The following BTG4 variants were observed in gnomAD, a reference collection of about 807,000 sequenced individuals.
The protein encoded by BTG4 is protein BTG4.
In BTG4, 10 loss-of-function variants were observed where a neutral mutation model predicts 19.3. The ratio of observed to expected loss-of-function variants is 0.52; its 90% confidence interval spans 0.32 to 0.88. The LOEUF is 0.88. BTG4 is among the 40% of genes least tolerant of loss of function. The probability of loss-of-function intolerance (pLI) is 0.04; values close to 1 mark genes in which losing one functional copy is unlikely to be tolerated. For missense variants in BTG4, 238 were observed against 281.9 expected, an observed-to-expected ratio of 0.84 and a Z score of 1.11; for synonymous variants, 91 against 95.7, an observed-to-expected ratio of 0.95 and a Z score of 0.29.
chr11:111,477,049 C>A (rs1864436277), intron 5 of BTG4, among the ~76,000 whole-genome samples: 1 of 152,154 alleles, frequency 6.6e-6, no homozygotes, highest in Non-Finnish European at 1.5e-5. Context: ...TAGTACAGAA[C>A]TTAAAGACCT....
chr11:111,490,295 A>AT (rs1865337192), downstream of BTG4, among the ~76,000 whole-genome samples: 1 of 151,480 alleles, frequency 6.6e-6, no homozygotes, highest in Non-Finnish European at 1.5e-5. Flanking sequence ...AAATAAATAA[A>AT]AAACTGAAAG....
the BTG4 span, among the ~76,000 whole-genome samples, chr11:111,394,917 G>C: frequency 6.6e-6 from 1 of 152,186 alleles, no homozygotes; most frequent in Non-Finnish European, 1.5e-5. Context: ...CACATATATA[G>C]ATGGAGAATC....
the BTG4 span, among the ~76,000 whole-genome samples, chr11:111,389,957 C>T: frequency 6.6e-5 from 10 of 152,102 alleles, no homozygotes; most frequent in Admixed American, 4.6e-4. Context: ...GATCATATAG[C>T]GAGGAACTGT....
the BTG4 span, among the ~76,000 whole-genome samples, chr11:111,422,006 G>T: frequency 1.3e-5 from 2 of 152,096 alleles, no homozygotes; most frequent in Non-Finnish European, 2.9e-5. Flanking sequence ...CCCAGAAGTT[G>T]CTGGAGAGCA....
chr11:111,413,994 G>A, the BTG4 span, among the ~76,000 whole-genome samples: 1 of 152,208 alleles, frequency 6.6e-6, no homozygotes, highest in Non-Finnish European at 1.5e-5. Context: ...AGCTGCAGTG[G>A]TGTGTTACCC....
At chr11:111,499,704 A>T (rs932687367) in intron 1 of BTG4, among the ~76,000 whole-genome samples, 3 of 152,216 alleles carry the variant, frequency 2.0e-5, no homozygotes, top group African/African-American at 7.2e-5. Context: ...AACTTTGAGC[A>T]GTCATTATGT....
chr11:111,409,182 A>G, the BTG4 span, among the ~76,000 whole-genome samples: 2 of 152,152 alleles, frequency 1.3e-5, no homozygotes, highest in African/African-American at 4.8e-5. Context: ...TAGAGGAGAA[A>G]AATTTAAAAG....
chr11:111,467,869 T>C (rs1338988661), intron 5 of BTG4, among the ~76,000 whole-genome samples: 2 of 152,240 alleles, frequency 1.3e-5, no homozygotes, highest in Non-Finnish European at 2.9e-5. Context: ...AGAAGCATAA[T>C]AGCTTGGTGC....
At chr11:111,413,611 C>A in the BTG4 span, among the ~76,000 whole-genome samples, 1 of 152,242 alleles carries the variant, frequency 6.6e-6, no homozygotes, top group African/African-American at 2.4e-5. Flanking sequence ...CTTGCCCAAA[C>A]CAATTACCTT....
At chr11:111,434,243 C>G in the BTG4 span, among the ~76,000 whole-genome samples, 1 of 152,176 alleles carries the variant, frequency 6.6e-6, no homozygotes, top group Non-Finnish European at 1.5e-5. Flanking sequence ...GAACTCATGC[C>G]CTTTGCAGGG....
intron 5 of BTG4, among the ~76,000 whole-genome samples, chr11:111,482,031 A>C (rs1036441223): frequency 5.3e-5 from 8 of 152,018 alleles, no homozygotes; most frequent in Admixed American, 1.3e-4. Context: ...AAATAAAACT[A>C]TCCCTATGCA....
chr11:111,421,785 G>C, the BTG4 span, among the ~76,000 whole-genome samples: 13 of 152,080 alleles, frequency 8.5e-5, no homozygotes, highest in African/African-American at 2.7e-4. Flanking sequence ...TGGTGACAGG[G>C]GCCTGCAATC....
At chr11:111,474,656 A>G (rs1475543553) in intron 5 of BTG4, among the ~76,000 whole-genome samples, 1 of 152,152 alleles carries the variant, frequency 6.6e-6, no homozygotes, top group African/African-American at 2.4e-5. Context: ...ATACATAACT[A>G]TATTTAGCCA....
intron 5 of BTG4, among the ~76,000 whole-genome samples, chr11:111,487,780 C>A (rs1233486746): frequency 6.6e-6 from 1 of 152,018 alleles, no homozygotes; most frequent in Non-Finnish European, 1.5e-5. Context: ...ATATAAAAAT[C>A]AACATACAAA....
At chr11:111,455,941 T>C in the BTG4 span, 195 of 395,076 alleles carry the variant, frequency 4.9e-4, no homozygotes, top group Non-Finnish European at 8.9e-4. Flanking sequence ...TCAGGGCAAC[T>C]AGCCCTGTAG....
At chr11:111,458,863 T>C in the BTG4 span, among the ~76,000 whole-genome samples, 1 of 152,154 alleles carries the variant, frequency 6.6e-6, no homozygotes, top group Non-Finnish European at 1.5e-5. Flanking sequence ...TGCCCCACAA[T>C]TTATTAACTC....
chr11:111,407,237 TA>T, the BTG4 span, among the ~76,000 whole-genome samples: 1 of 148,914 alleles, frequency 6.7e-6, no homozygotes, highest in Non-Finnish European at 1.5e-5. Context: ...ATATACCATG[TA>T]TGTGTCATAT....
In BTG4 at chr11:111,503,358, G is replaced by A. The variant is rs145516399; in HGVS notation, c.-26-4556C>T. Among the ~76,000 whole-genome samples, 131 of 152,328 alleles carry A rather than the reference G, an allele frequency of 8.6e-4. 2 individuals are homozygous for A. The highest frequency in any genetic ancestry group is 3.4e-3 in the Middle Eastern group (1 of 294). On this transcript the variant is annotated intron_variant, in intron 1 of 4. Transcript: ENST00000692032. Reference sequence around the variant, plus strand: ...AGTAATGTCCACTGACAAGATGTCAGAATTTAGCAGAAAGACCAACCTGGT... The same window carrying A: ...AGTAATGTCCACTGACAAGATGTCAAAATTTAGCAGAAAGACCAACCTGGT...
the BTG4 span, among the ~76,000 whole-genome samples, chr11:111,399,425 G>A: frequency 1.9e-4 from 29 of 152,178 alleles, no homozygotes; most frequent in Non-Finnish European, 4.0e-4. Context: ...GAACATAGGA[G>A]CCCAATGAGA....
Sources: allele counts gnomAD v4.1 joint callset (sites outside exome capture counted in the v4.1 genomes callset), GRCh38; gene constraint gnomAD v4.1.1; transcripts MANE v1.5; gene names NCBI Gene and HGNC (gene_info 2026-07-23, HGNC 2026-07-21).